The following PLEKHG4 variants were observed in gnomAD, a reference collection of about 807,000 sequenced individuals.
PLEKHG4 encodes puratrophin-1.
In PLEKHG4, 85 loss-of-function variants were observed where a neutral mutation model predicts 136.9. The observed-to-expected ratio is 0.62, with a 90% CI of 0.52 to 0.74. The LOEUF (loss-of-function observed/expected upper bound fraction) is 0.74, where lower values mean the gene tolerates loss of function less well. Ranked by LOEUF, PLEKHG4 falls within the 30% of genes least tolerant of loss-of-function variation. The probability of loss-of-function intolerance (pLI) is 0.00; values close to 1 mark genes in which losing one functional copy is unlikely to be tolerated. For missense variants in PLEKHG4, 1,317 were observed against 1,527.8 expected (o/e 0.86, Z 2.30); for synonymous variants, 577 against 646.9 (o/e 0.89, Z 1.64).
At chr16:67,281,970 A>G in intron 7 of PLEKHG4, 39 bp from the exon 8 acceptor site, 2 of 1,580,614 alleles carry the variant, frequency 1.3e-6, no homozygotes, top group South Asian at 2.2e-5. Flanking sequence ...CAGGACCAAC[A>G]CTGCATGCTG....
intron 18 of PLEKHG4, chr16:67,287,685 G>T (rs1176568484): frequency 1.6e-6 from 1 of 622,266 alleles, no homozygotes; most frequent in Admixed American, 2.3e-5. Flanking sequence ...GAGCCACTGC[G>T]CCCAGCCAGG....
At position 67,281,795 on chromosome 16, in the gene PLEKHG4, A is replaced by C; in HGVS notation, c.963A>C (p.Gly321=). The C allele has an allele frequency of 6.2e-7, 1 of 1,613,682 alleles. No homozygotes were observed. Among genetic ancestry groups the C allele is most frequent in the Non-Finnish European group, 8.5e-7 (1 of 1,179,994 alleles). ...CGGGGCTGCCCACTTCGCTAGGAGGAGGCCTGCCTTACTGCCACCAGGCCT... is the reference window on the plus strand; with the variant it reads ...CGGGGCTGCCCACTTCGCTAGGAGGCGGCCTGCCTTACTGCCACCAGGCCT... ...PTAGLPTSLG[G]GLPYCHQAWL... is the part of the protein sequence containing the mutation. The change falls in exon 7 of 22, where the codon GGA becomes GGC. Residue 321 remains glycine, a synonymous_variant. Coordinates refer to ENST00000379344, the MANE Select transcript of PLEKHG4 (RefSeq NM_001129729.3).
chr16:67,280,948 C>T lies in PLEKHG4; in HGVS notation c.662C>T (p.Ser221Phe). Residue 221 changes from serine (S) to phenylalanine (F), a missense_variant, in exon 4 of 22, where the codon TCT becomes TTT. By Grantham distance (155) the Ser-to-Phe change is radical (BLOSUM62 -2). Transcript: ENST00000379344. This position sits in a 1 kb window ranked among gnomAD's most constrained non-coding sequence, Gnocchi z 4.4. ...LCAHSPAWLQ[S>F]ECSSQELIRL... ...GCCCACAGCCCAGCCTGGCTTCAGT[C>T]TGAGTGCAGCAGCCAGGAACTCATC... 6.2e-7 allele frequency: 1 copy of T among 1,613,548 alleles called. No homozygotes were observed. The highest frequency in any genetic ancestry group is 8.5e-7 in the Non-Finnish European group (1 of 1,180,036).
Position 67,282,592 on chromosome 16 carries a change from C to T in PLEKHG4, c.1343C>T (p.Ala448Val). ...CTGCAGAGCAACCAGCGAATACAGG[C>T]CCTAGAGTTGGTCCAAACACTGGAG... ...LTLQSNQRIQ[A>V]LELVQTLEAR... Residue 448 changes from alanine (A) to valine (V), a missense_variant, in exon 10 of 22, where the codon GCC becomes GTC. Physicochemically the swap from Ala to Val is moderately conservative, Grantham distance 64 (BLOSUM62 0). Coordinates refer to ENST00000379344, the MANE Select transcript of PLEKHG4 (RefSeq NM_001129729.3). 6.2e-7 allele frequency: 1 copy of T among 1,614,042 alleles called. No individual in the cohort carries two copies.
Position 67,288,288 on chromosome 16 carries a change from G to A in PLEKHG4, c.3342G>A (p.Leu1114=), listed in dbSNP as rs750466149. The change falls in exon 20 of 22, where the codon CTG becomes CTA. Residue 1114 remains leucine (L), a synonymous_variant. Transcript: ENST00000379344. ...GCTCTGTTCTGGGGTCCCTCAACCT[G>A]CACCTGTACAGAGACCCAGCTCTTC... The part of the protein sequence containing the change: ...ASCSVLGSLN[L]HLYRDPALLG... 6.2e-7 allele frequency: 1 copy of A among 1,613,044 alleles called. No homozygotes were observed. Among genetic ancestry groups the A allele is most frequent in the Non-Finnish European group, 8.5e-7 (1 of 1,179,934 alleles).
chr16:67,283,436 G>A (rs1044595205), intron 11 of PLEKHG4, among the ~76,000 whole-genome samples: 2 of 152,160 alleles, frequency 1.3e-5, no homozygotes, highest in Non-Finnish European at 2.9e-5. Context: ...CTTCGTTTCC[G>A]AGTAGACAGT....
Position 67,287,096 on chromosome 16 carries a change from C to G in PLEKHG4, c.3022C>G (p.Gln1008Glu). The change falls in exon 18 of 22, where the codon CAG becomes GAG. Residue 1008 changes from glutamine (Q) to glutamate (E), a missense_variant. Physicochemically the swap from Gln to Glu is conservative, Grantham distance 29 (BLOSUM62 2). Coordinates refer to ENST00000379344, the MANE Select transcript of PLEKHG4 (RefSeq NM_001129729.3). ...CAAGGCCAGGGACACCTTTGTGCTG[C>G]AGGCCTCCAGCCTGGCTATCAAGCA... ...RRKARDTFVLQASSLAIKQAW... is the reference protein window; with the variant it reads ...RRKARDTFVLEASSLAIKQAW... 1 of 1,612,974 alleles carries G rather than the reference C, an allele frequency of 6.2e-7. No homozygotes were observed. Among genetic ancestry groups the G allele is most frequent in the South Asian group, 1.1e-5 (1 of 91,084 alleles).
At chr16:67,281,312 C>T in intron 5 of PLEKHG4, 128 bp downstream of exon 5, 3 of 773,224 alleles carry the variant, frequency 3.9e-6, no homozygotes, top group South Asian at 1.5e-5. Flanking sequence ...CAAACTCTAT[C>T]TCCCCGATTC....
chr16:67,289,040 TCTC>T lies in PLEKHG4; in HGVS notation c.*235_*237del. 1 of 633,398 alleles carries T rather than the reference TCTC, an allele frequency of 1.6e-6. No homozygotes were observed. The highest frequency in any genetic ancestry group is 2.9e-6 in the Non-Finnish European group (1 of 348,200). 39.2% of individuals were successfully genotyped at this position (633,398 alleles called of 1,614,324 possible). ...ATAGGCTCCTGGCCCCATGACCCCTTCTCCTGTCCCCAGCTCCCATCCCAGTTG... is the reference window on the plus strand; with the variant it reads ...ATAGGCTCCTGGCCCCATGACCCCTTCTGTCCCCAGCTCCCATCCCAGTTG... On this transcript the variant is annotated 3_prime_UTR_variant, in exon 22 of 22. Transcript: ENST00000379344.
In PLEKHG4 at chr16:67,284,761, C is replaced by A; in HGVS notation, c.1741C>A (p.Gln581Lys). The A allele has an allele frequency of 6.2e-7, 1 of 1,613,870 alleles. No homozygotes were observed. Among genetic ancestry groups the A allele is most frequent in the Non-Finnish European group, 8.5e-7 (1 of 1,179,920 alleles). The change falls in exon 13 of 22, where the codon CAG becomes AAG. Residue 581 changes from glutamine (Q) to lysine (K), a missense_variant. Gln to Lys is a moderately conservative substitution (Grantham distance 53, BLOSUM62 1). Transcript: ENST00000379344. The surrounding 1 kb of genome is among the most constrained non-coding windows in gnomAD (Gnocchi z 4.4). Reference sequence around the variant, plus strand: ...GCAGCGAGTGTTGGCAGAGCTGGAGCAGGAACGCCCGGGGGTTGTGTTGCA... The same window carrying A: ...GCAGCGAGTGTTGGCAGAGCTGGAGAAGGAACGCCCGGGGGTTGTGTTGCA... ...EGQRVLAELE[Q>K]ERPGVVLQQL...
Position 67,282,635 on chromosome 16 carries a change from G to T in PLEKHG4, c.1386G>T (p.Leu462=). Residue 462 remains leucine (L), a synonymous_variant, in exon 10 of 22, where the codon CTG becomes CTT. Transcript: ENST00000379344. ...VQTLEARESG[L]HQIEVWLQQV... ...CACTGGAGGCCCGGGAAAGCGGACT[G>T]CACCAGGTCGGAACTACTTGCCCAG... 1 of 1,613,864 alleles carries T rather than the reference G, an allele frequency of 6.2e-7. No homozygotes were observed. The highest frequency in any genetic ancestry group is 8.5e-7 in the Non-Finnish European group (1 of 1,180,054).
At chr16:67,278,023 C>T (rs1597372974), upstream of PLEKHG4, 1 of 152,272 alleles carries the variant, frequency 6.6e-6, no homozygotes, top group South Asian at 2.1e-4. Flanking sequence ...CAGCAGGTCC[C>T]CCCCGGCTCT....
At position 67,289,438 on chromosome 16, in the gene PLEKHG4, T is replaced by G. The variant is rs957257577; in HGVS notation, c.*630T>G. 1.8e-6 allele frequency: 1 copy of G among 553,258 alleles called. No homozygotes were observed. The highest frequency in any genetic ancestry group is 1.9e-5 in the African/African-American group (1 of 52,488). 34.3% of individuals were successfully genotyped at this position (553,258 alleles called of 1,614,324 possible). A position where few individuals can be genotyped will look rare whatever the true frequency, so the allele number is the denominator to read the frequency against. On this transcript the variant is annotated 3_prime_UTR_variant, in exon 22 of 22. Transcript: ENST00000379344. ...GGAGTCTAGGTCTTTGATGTGTGATTTAATCTTTTATTTGTTTATAATAAA... is the reference window on the plus strand; with the variant it reads ...GGAGTCTAGGTCTTTGATGTGTGATGTAATCTTTTATTTGTTTATAATAAA...
Position 67,281,092 on chromosome 16 carries a change from C to A in PLEKHG4, c.721C>A (p.Pro241Thr), listed in dbSNP as rs1214769001. 1 of 1,614,050 alleles carries A rather than the reference C, an allele frequency of 6.2e-7. No homozygotes were observed. The highest frequency in any genetic ancestry group is 8.5e-7 in the Non-Finnish European group (1 of 1,179,932). Residue 241 changes from proline (P) to threonine (T), a missense_variant and splice_region_variant, in exon 5 of 22, where the codon CCC becomes ACC. Physicochemically the swap from Pro to Thr is conservative, Grantham distance 38 (BLOSUM62 -1). Coordinates refer to ENST00000379344, the MANE Select transcript of PLEKHG4 (RefSeq NM_001129729.3). The part of the protein sequence containing the change: ...LLLYLRSIPR[P>T]EVQALGLTVL... ...CTGAACTGAAGCTCACCCCTTTAGG[C>A]CCGAAGTACAGGCACTGGGACTGAC...
chr16:67,282,444 G>A (rs2036277440), intron 9 of PLEKHG4, 59 bp from the exon 10 acceptor site: 1 of 1,613,406 alleles, frequency 6.2e-7, no homozygotes, highest in Admixed American at 1.7e-5. Flanking sequence ...GGACTGTGGT[G>A]CCAGGACAGG....
Position 67,286,887 on chromosome 16 carries a change from GTT to G in PLEKHG4, c.2894_2895del (p.Val965GlyfsTer18), listed in dbSNP as rs2036498489. The stretch of plus-strand genomic sequence containing the variant: ...CAAGCCTCGCCATGGGCCCACAGGG[GTT>G]GACACATTTGCCTACAAGCGCTCCT... ...FSKPRHGPTG[V>X]DTFAYKRSFK... On this transcript the variant is annotated frameshift_variant, in exon 17 of 22. Coordinates refer to ENST00000379344, the MANE Select transcript of PLEKHG4 (RefSeq NM_001129729.3). LOFTEE classifies it high-confidence loss of function. The G allele has an allele frequency of 5.6e-6, 9 of 1,614,030 alleles. No individual in the cohort carries two copies. Among genetic ancestry groups the G allele is most frequent in the Non-Finnish European group, 7.6e-6 (9 of 1,180,012 alleles).
chr16:67,285,588 T>C, intron 14 of PLEKHG4, 52 bp downstream of exon 14: 1 of 1,597,496 alleles, frequency 6.3e-7, no homozygotes, highest in South Asian at 1.1e-5. Flanking sequence ...ACTCCCGAAG[T>C]TGCTGCTGGG....
rs952556919 is a variant in PLEKHG4, at chr16:67,288,866, C to T, written c.*58C>T. 1 of 1,597,142 alleles carries T rather than the reference C, an allele frequency of 6.3e-7. No individual in the cohort carries two copies. Among genetic ancestry groups the T allele is most frequent in the Non-Finnish European group, 8.6e-7 (1 of 1,168,872 alleles). The stretch of plus-strand genomic sequence containing the variant: ...CCTGCAGCTCCAAGGAACATTGCCT[C>T]TCTGGATCTGCTGTGACCAGGGTGT... On this transcript the variant is annotated 3_prime_UTR_variant, in exon 22 of 22. Transcript: ENST00000379344.
Position 67,289,294 on chromosome 16 carries a change from G to A in PLEKHG4, c.*486G>A. Reference sequence around the variant, plus strand: ...CATGCTTGCCTTTCCTGGCCCCCAGGCCCAGCCCCTTTTTACTGGGGCAGT... The same window carrying A: ...CATGCTTGCCTTTCCTGGCCCCCAGACCCAGCCCCTTTTTACTGGGGCAGT... On this transcript the variant is annotated 3_prime_UTR_variant, in exon 22 of 22. Coordinates refer to ENST00000379344, the MANE Select transcript of PLEKHG4 (RefSeq NM_001129729.3). 3 of 423,848 alleles carry A rather than the reference G, an allele frequency of 7.1e-6. No homozygotes were observed. Among genetic ancestry groups the A allele is most frequent in the Non-Finnish European group, 8.4e-6 (2 of 237,268 alleles). The allele number at this position is 423,848 out of a possible 1,614,324, so 26.3% of individuals were successfully genotyped here. A position where few individuals can be genotyped will look rare whatever the true frequency, so the allele number is the denominator to read the frequency against.
Sources: gnomAD v4.1 joint callset for allele counts (sites outside exome capture counted in the v4.1 genomes callset) on GRCh38, gnomAD v4.1.1 for gene constraint, Gnocchi (gnomAD v3.1) non-coding constraint, MANE v1.5 for transcripts, NCBI Gene and HGNC (gene_info 2026-07-23, HGNC 2026-07-21) for gene names.